The following UVRAG variants were observed in gnomAD, a reference collection of about 807,000 sequenced individuals.
UVRAG encodes UV radiation resistance associated, also known as UV radiation resistance-associated gene protein.
UVRAG carries 19 observed loss-of-function variants against 78.0 expected under a neutral mutation model. That is an observed-to-expected ratio of 0.24 (90% CI 0.17 to 0.36). The LOEUF (loss-of-function observed/expected upper bound fraction) is 0.36. Ranked by LOEUF, UVRAG falls within the 10% of genes least tolerant of loss-of-function variation. The pLI, the probability that UVRAG is intolerant of heterozygous loss-of-function variation, is 1.00. For missense variants in UVRAG, 740 were observed against 853.8 expected, an observed-to-expected ratio of 0.87 and a Z score of 1.66; for synonymous variants, 323 against 324.6, an observed-to-expected ratio of 1.00 and a Z score of 0.05.
intron 6 of UVRAG, among the ~76,000 whole-genome samples, chr11:75,938,097 A>G (rs1948412023): frequency 6.6e-6 from 1 of 151,590 alleles, no homozygotes; most frequent in African/African-American, 2.4e-5. Flanking sequence ...ACACACACAC[A>G]CATATATATA....
chr11:76,066,587 C>T (rs776714333), intron 13 of UVRAG, among the ~76,000 whole-genome samples: 2 of 152,098 alleles, frequency 1.3e-5, no homozygotes, highest in South Asian at 2.1e-4. Context: ...ATTCTCTTGC[C>T]TCAGCCTCCC....
chr11:75,906,492 C>T lies in UVRAG; in HGVS notation c.508-5462C>T, dbSNP rs372378668. 3.1e-3 allele frequency among the ~76,000 whole-genome samples: 477 copies of T among 152,066 alleles called. 4 individuals are homozygous for T. The highest frequency in any genetic ancestry group is 0.027 in the South Asian group (129 of 4,810). ...CCTCCCGAGTAGCTGGGATTACAAG[C>T]GCGTGCCATCATGCCTGGCTAATTT... is the stretch of plus-strand genomic sequence containing the variant. On this transcript the variant is annotated intron_variant, in intron 5 of 14. Coordinates refer to ENST00000356136, the MANE Select transcript of UVRAG (RefSeq NM_003369.4).
At chr11:75,878,203 C>CTGCACTCT (rs1427327992) in intron 3 of UVRAG, among the ~76,000 whole-genome samples, 1 of 151,344 alleles carries the variant, frequency 6.6e-6, no homozygotes. Context: ...CGGGCAGAGG[C>CTGCACTCT]GCTCCTTACA....
intron 13 of UVRAG, among the ~76,000 whole-genome samples, chr11:76,108,099 A>AT (rs1181625195): frequency 1.3e-5 from 2 of 152,318 alleles, no homozygotes; most frequent in East Asian, 3.9e-4. Flanking sequence ...TGTATCAAAC[A>AT]TATCATGCAG....
chr11:75,994,207 C>G (rs1169493604), intron 8 of UVRAG, among the ~76,000 whole-genome samples: 1 of 152,186 alleles, frequency 6.6e-6, no homozygotes, highest in Admixed American at 6.5e-5. Flanking sequence ...GTTCTCCAAA[C>G]TTTGTGGGAA....
chr11:75,977,037 T>TA (rs1949259181), intron 7 of UVRAG, among the ~76,000 whole-genome samples: 1 of 152,262 alleles, frequency 6.6e-6, no homozygotes, highest in Non-Finnish European at 1.5e-5. Context: ...AACAGTGCTT[T>TA]AAATGTGTCC....
chr11:75,950,360 A>G (rs1042785868), intron 6 of UVRAG, among the ~76,000 whole-genome samples: 2 of 152,174 alleles, frequency 1.3e-5, no homozygotes, highest in Admixed American at 1.3e-4. Context: ...CCTGAACTCA[A>G]GGGATTCTCC....
intron 1 of UVRAG, among the ~76,000 whole-genome samples, chr11:75,817,244 G>A (rs1012753690): frequency 3.3e-5 from 5 of 152,200 alleles, no homozygotes; most frequent in Non-Finnish European, 7.3e-5. Flanking sequence ...AAGGAGTTCA[G>A]GGGCCAAGAA....
At chr11:76,073,225 T>G (rs1008957173) in intron 13 of UVRAG, among the ~76,000 whole-genome samples, 2 of 152,222 alleles carry the variant, frequency 1.3e-5, no homozygotes, top group Admixed American at 1.3e-4. Flanking sequence ...AAATCACTTC[T>G]GCTGCATACT....
chr11:75,876,211 A>G (rs949262646), intron 3 of UVRAG, among the ~76,000 whole-genome samples: 5 of 152,150 alleles, frequency 3.3e-5, no homozygotes, highest in African/African-American at 1.2e-4. Flanking sequence ...AGTTGTTTTC[A>G]GTGAGAGGAT....
In UVRAG at chr11:76,142,614, A is replaced by G. The variant is rs559621915; in HGVS notation, c.*1201A>G. ...TAAAGGAAAATTTATCCATATATCC[A>G]TGTATTATATAGAAGAATAAAAATT... On this transcript the variant is annotated 3_prime_UTR_variant, in exon 15 of 15. Transcript: ENST00000356136. 1.3e-5 allele frequency: 2 copies of G among 152,674 alleles called. No homozygotes were observed. Among genetic ancestry groups the G allele is most frequent in the East Asian group, 1.9e-4 (1 of 5,184 alleles). The allele number at this position is 152,674 out of a possible 1,614,324, so 9.5% of individuals were successfully genotyped here.
At chr11:76,050,130 G>A (rs1181362259) in intron 12 of UVRAG, among the ~76,000 whole-genome samples, 6 of 152,114 alleles carry the variant, frequency 3.9e-5, no homozygotes, top group Non-Finnish European at 8.8e-5. Flanking sequence ...ATAGTAGACG[G>A]CTCTACCTGC....
chr11:76,140,621 C>G lies in UVRAG; in HGVS notation c.1398-90C>G, dbSNP rs977640228. ...CTTATCTATTTTTATTAGCTCAGAC[C>G]TAAGTATGCTGTTCCCTGTCTCTGG... On this transcript the variant is annotated intron_variant, in intron 14 of 14. Transcript: ENST00000356136. 1.8e-5 allele frequency: 23 copies of G among 1,267,862 alleles called. No individual in the cohort carries two copies. The East Asian group carries it at 2.1e-4, about 12-fold the overall frequency. The allele number at this position is 1,267,862 out of a possible 1,614,324, so 78.5% of individuals were successfully genotyped here.
chr11:76,024,030 T>G (rs747720097), intron 12 of UVRAG, among the ~76,000 whole-genome samples: 29 of 152,186 alleles, frequency 1.9e-4, no homozygotes, highest in Non-Finnish European at 4.0e-4. Context: ...AAAGATCACC[T>G]TGTAGTTCTC....
At chr11:76,047,863 C>G (rs927935501) in intron 12 of UVRAG, among the ~76,000 whole-genome samples, 44 of 152,184 alleles carry the variant, frequency 2.9e-4, no homozygotes, top group African/African-American at 9.7e-4. Context: ...GTAACATCCT[C>G]CAACTTTAGA....
chr11:75,825,749 G>A (rs981314431), intron 1 of UVRAG, among the ~76,000 whole-genome samples: 2 of 152,094 alleles, frequency 1.3e-5, no homozygotes, highest in African/African-American at 4.8e-5. Flanking sequence ...TCTGTCTTGT[G>A]TCTTGTTCCT....
chr11:76,055,899 T>C (rs1353722996), intron 12 of UVRAG, among the ~76,000 whole-genome samples: 1 of 152,096 alleles, frequency 6.6e-6, no homozygotes, highest in Non-Finnish European at 1.5e-5. Context: ...TTAGTAGAGA[T>C]GGGGTTTCAC....
intron 12 of UVRAG, among the ~76,000 whole-genome samples, chr11:76,055,346 C>G (rs1312890195): frequency 1.3e-5 from 2 of 152,208 alleles, no homozygotes; most frequent in East Asian, 3.8e-4. Flanking sequence ...CCGCACCAGC[C>G]TGTTTTTCTC....
intron 2 of UVRAG, among the ~76,000 whole-genome samples, chr11:75,859,840 T>C (rs1050451662): frequency 6.6e-6 from 1 of 152,258 alleles, no homozygotes; most frequent in African/African-American, 2.4e-5. Context: ...CCAAATTGTA[T>C]GGCTCCTTTG....
Sources: gnomAD v4.1 joint callset for allele counts (sites outside exome capture counted in the v4.1 genomes callset) on GRCh38, gnomAD v4.1.1 for gene constraint, MANE v1.5 for transcripts, NCBI Gene and HGNC (gene_info 2026-07-23, HGNC 2026-07-21) for gene names.